Variants in ZCCHC17 observed in about 807,000 individuals in gnomAD.
ZCCHC17 encodes the protein zinc finger CCHC domain-containing protein 17.
Under a neutral mutation model 30.6 loss-of-function variants are expected in ZCCHC17, and 18 were observed. The ratio of observed to expected loss-of-function variants is 0.59; its 90% CI spans 0.41 to 0.87. The LOEUF is 0.87. Among genes scored for constraint, ZCCHC17 ranks in the 40% least tolerant of loss-of-function variants. The pLI, the probability that ZCCHC17 is intolerant of heterozygous loss-of-function variation, is 0.00. For synonymous variants in ZCCHC17, 88 were observed against 92.4 expected, an observed-to-expected ratio of 0.95 and a Z score of 0.27; for missense variants, 263 against 284.2, an observed-to-expected ratio of 0.93 and a Z score of 0.54.
chr1:31,318,226 ATAAAGTT>A, intron 2 of ZCCHC17: 2 of 1,534,552 alleles, frequency 1.3e-6, no homozygotes, highest in African/African-American at 1.4e-5. Flanking sequence ...ACTGAAAAGA[ATAAAGTT>A]TATGTATGTA....
intron 5 of ZCCHC17, among the ~76,000 whole-genome samples, chr1:31,341,019 T>C (rs1219353827): frequency 6.6e-6 from 1 of 152,228 alleles, no homozygotes; most frequent in Non-Finnish European, 1.5e-5. Flanking sequence ...CTTATATTCC[T>C]ACTTTATAGC....
chr1:31,314,098 C>T (rs539230282), intron 2 of ZCCHC17, among the ~76,000 whole-genome samples: 3 of 152,170 alleles, frequency 2.0e-5, no homozygotes, highest in African/African-American at 7.2e-5. Context: ...CTCCTGACCT[C>T]AGGTGATCCA....
At chr1:31,354,326 AT>A (rs1291818236) in intron 7 of ZCCHC17, among the ~76,000 whole-genome samples, 2 of 152,128 alleles carry the variant, frequency 1.3e-5, no homozygotes, top group Non-Finnish European at 2.9e-5. Flanking sequence ...TTCTAACAGG[AT>A]TTTTTTGTGG....
In ZCCHC17 at chr1:31,311,375, G is replaced by A. The variant is rs528446555; in HGVS notation, c.66+1211G>A. Among the ~76,000 whole-genome samples, 18 of 152,350 alleles carry A rather than the reference G, an allele frequency of 1.2e-4. No homozygotes were observed. The South Asian group carries it at 3.5e-3, about 30-fold the overall frequency. On this transcript the variant is annotated intron_variant, in intron 2 of 7. Coordinates refer to ENST00000344147, the MANE Select transcript of ZCCHC17 (RefSeq NM_016505.4). ...TTTGTTCTACCCTGCTCGTAGTCAA[G>A]ACACACTGGCCTCCTTAATAGCTTT...
chr1:31,337,106 T>C, intron 3 of ZCCHC17, 69 bp from the exon 4 acceptor site: 7 of 1,407,456 alleles, frequency 5.0e-6, no homozygotes, highest in African/African-American at 2.9e-5. Flanking sequence ...TCTTACCTTC[T>C]TATCCAGTTT....
Position 31,339,762 on chromosome 1 carries a change from G to A in ZCCHC17, c.317+714G>A, listed in dbSNP as rs115500867. Among the ~76,000 whole-genome samples the A allele has an allele frequency of 2.2e-3, 329 of 152,226 alleles. 2 individuals carry two copies. The highest frequency in any genetic ancestry group is 7.4e-3 in the African/African-American group (309 of 41,536). On this transcript the variant is annotated intron_variant, in intron 5 of 7. Coordinates refer to ENST00000344147, the MANE Select transcript of ZCCHC17 (RefSeq NM_016505.4). ...TGGGTCTCTTCCACATAGAGACCACGTGGAAGGGTAGAGTAATCCAGGAAC... is the reference window on the plus strand; with the variant it reads ...TGGGTCTCTTCCACATAGAGACCACATGGAAGGGTAGAGTAATCCAGGAAC...
chr1:31,341,028 G>A (rs1186480731), intron 5 of ZCCHC17, among the ~76,000 whole-genome samples: 2 of 152,106 alleles, frequency 1.3e-5, no homozygotes, highest in African/African-American at 2.4e-5. Flanking sequence ...CTACTTTATA[G>A]CTTGGTGCCT....
At chr1:31,346,816 A>C in intron 6 of ZCCHC17, 76 bp downstream of exon 6, 1 of 1,593,498 alleles carries the variant, frequency 6.3e-7, no homozygotes, top group South Asian at 1.1e-5. Flanking sequence ...GAGGCAGCCC[A>C]GTGTGAGTTT....
intron 1 of ZCCHC17, among the ~76,000 whole-genome samples, chr1:31,307,312 C>T (rs1016245229): frequency 1.3e-5 from 2 of 151,958 alleles, no homozygotes; most frequent in East Asian, 3.9e-4. Flanking sequence ...GGCCACTGTT[C>T]TACAAGAGGT....
At position 31,319,016 on chromosome 1, in the gene ZCCHC17, A is replaced by G. The variant is rs984398830; in HGVS notation, c.67-93A>G. ...GTTTTATAGCATACAGAGGCAGTCA[A>G]TATGAAGTACAGATTTGGGGAGACT... is the stretch of plus-strand genomic sequence containing the variant. On this transcript the variant is annotated intron_variant, in intron 2 of 7. Transcript: ENST00000344147. The G allele has an allele frequency of 7.8e-6, 11 of 1,404,194 alleles. No homozygotes were observed. In the East Asian group the frequency reaches 9.3e-5, roughly 12 times the overall value. The allele number at this position is 1,404,194 out of a possible 1,614,324, so 87.0% of individuals were successfully genotyped here.
At chr1:31,328,402 C>T (rs550587084) in intron 3 of ZCCHC17, among the ~76,000 whole-genome samples, 5 of 151,842 alleles carry the variant, frequency 3.3e-5, no homozygotes, top group Non-Finnish European at 7.4e-5. Flanking sequence ...GTCCAAGCTA[C>T]TTGAGGGGGC....
In ZCCHC17 at chr1:31,333,904, G is replaced by A. The variant is rs192283602; in HGVS notation, c.125-3271G>A. Among the ~76,000 whole-genome samples the A allele has an allele frequency of 2.4e-3, 367 of 152,324 alleles. 4 individuals carry two copies. The highest frequency in any genetic ancestry group is 4.3e-3 in the Non-Finnish European group (293 of 68,032). The stretch of plus-strand genomic sequence containing the variant: ...TCCATCATAACTTTCATTAGCAATA[G>A]AGGAAAGAGATGAATTTTAACCAGT... On this transcript the variant is annotated intron_variant, in intron 3 of 7. Transcript: ENST00000344147.
At chr1:31,360,371 G>C (rs1261718425) in intron 7 of ZCCHC17, among the ~76,000 whole-genome samples, 1 of 152,214 alleles carries the variant, frequency 6.6e-6, no homozygotes, top group African/African-American at 2.4e-5. Flanking sequence ...GTTTCTTCAT[G>C]TTGGTCAGGC....
intron 3 of ZCCHC17, among the ~76,000 whole-genome samples, chr1:31,325,257 GC>G (rs1638290787): frequency 1.3e-5 from 2 of 152,210 alleles, no homozygotes. Flanking sequence ...ACTCAATAAA[GC>G]AACTCTTTGC....
intron 5 of ZCCHC17, 147 bp downstream of exon 5, chr1:31,339,195 G>A (rs1328721969): frequency 9.1e-6 from 6 of 659,830 alleles, no homozygotes; most frequent in Non-Finnish European, 1.5e-5. Flanking sequence ...TTGGTTTTTA[G>A]AAATGTAAAA....
chr1:31,361,153 A>G (rs559543931), intron 7 of ZCCHC17, among the ~76,000 whole-genome samples: 91 of 152,214 alleles, frequency 6.0e-4, no homozygotes, highest in Admixed American at 9.2e-4. Flanking sequence ...TTGATTTGCC[A>G]ACTCTCAGCT....
intron 7 of ZCCHC17, among the ~76,000 whole-genome samples, chr1:31,359,004 G>A (rs187276020): frequency 4.1e-4 from 63 of 152,248 alleles, no homozygotes; most frequent in Non-Finnish European, 7.5e-4. Flanking sequence ...GTAAGAGAAT[G>A]TAAAATGTGG....
intron 7 of ZCCHC17, among the ~76,000 whole-genome samples, chr1:31,358,562 G>A (rs1430048947): frequency 5.3e-5 from 8 of 152,128 alleles, no homozygotes; most frequent in Non-Finnish European, 1.2e-4. Flanking sequence ...GGTGAGGATG[G>A]CATCAAAATT....
At chr1:31,362,052 C>T (rs1639926283) in intron 7 of ZCCHC17, among the ~76,000 whole-genome samples, 1 of 152,190 alleles carries the variant, frequency 6.6e-6, no homozygotes, top group Non-Finnish European at 1.5e-5. Flanking sequence ...CCTCATGATC[C>T]ACCTGCCTTG....
Sources: allele counts gnomAD v4.1 joint callset (sites outside exome capture counted in the v4.1 genomes callset), GRCh38; gene constraint gnomAD v4.1.1; transcripts MANE v1.5; gene names NCBI Gene and HGNC (gene_info 2026-07-23, HGNC 2026-07-21).